Variants in TRIP4 observed in about 807,000 individuals in gnomAD.
TRIP4 encodes the protein activating signal cointegrator 1.
In TRIP4, 54 loss-of-function variants were observed where a neutral mutation model predicts 81.8. The observed-to-expected ratio is 0.66, with a 90% CI of 0.53 to 0.83. The LOEUF is 0.83. Among genes scored for constraint, TRIP4 ranks in the 40% least tolerant of loss-of-function variants. The pLI, the probability that TRIP4 is intolerant of heterozygous loss-of-function variation, is 0.00. For missense variants in TRIP4, 662 were observed against 683.6 expected (o/e 0.97, Z 0.35); for synonymous variants, 270 against 242.8 (o/e 1.11, Z -1.04).
chr15:64,426,172 C>T (rs1892138532), intron 11 of TRIP4, among the ~76,000 whole-genome samples: 1 of 152,048 alleles, frequency 6.6e-6, no homozygotes, highest in South Asian at 2.1e-4. Context: ...TTGAAGAAAC[C>T]CTTGATTATC....
intron 12 of TRIP4, among the ~76,000 whole-genome samples, chr15:64,451,382 GGATTACAGGCATGA>G (rs1034519536): frequency 6.6e-6 from 1 of 151,732 alleles, no homozygotes; most frequent in African/African-American, 2.4e-5. Flanking sequence ...GAAAGTGCTG[GGATTACAGGCATGA>G]GCCACACCTG....
chr15:64,434,556 T>G (rs1892348204), intron 11 of TRIP4, among the ~76,000 whole-genome samples: 1 of 151,324 alleles, frequency 6.6e-6, no homozygotes, highest in Non-Finnish European at 1.5e-5. Flanking sequence ...ATCTGAGGCT[T>G]GCTTGAGGGA....
intron 5 of TRIP4, among the ~76,000 whole-genome samples, chr15:64,403,072 C>A (rs576557760): frequency 1.3e-5 from 2 of 151,626 alleles, no homozygotes; most frequent in Non-Finnish European, 2.9e-5. Context: ...CTGTGTTAGC[C>A]AAGATGGTCT....
Position 64,420,688 on chromosome 15 carries a change from T to C in TRIP4, c.1358+1960T>C, listed in dbSNP as rs149020614. On this transcript the variant is annotated intron_variant, in intron 9 of 12. Transcript: ENST00000261884. ...ACGGGCGCCCGCCACCATGCCCAGC[T>C]AATTTGTGTATGTGTGTGTGTTTTT... Among the ~76,000 whole-genome samples the C allele has an allele frequency of 9.0e-3, 1,362 of 152,102 alleles. 22 individuals carry two copies. The highest frequency in any genetic ancestry group is 0.031 in the African/African-American group (1,307 of 41,532).
At chr15:64,405,569 A>G (rs1891604833) in intron 5 of TRIP4, among the ~76,000 whole-genome samples, 1 of 152,230 alleles carries the variant, frequency 6.6e-6, no homozygotes, top group South Asian at 2.1e-4. Flanking sequence ...TATTGCGAAA[A>G]TTAAATAACA....
intron 8 of TRIP4, among the ~76,000 whole-genome samples, chr15:64,416,556 CA>C (rs1313155575): frequency 6.6e-6 from 1 of 151,844 alleles, no homozygotes; most frequent in African/African-American, 2.4e-5. Flanking sequence ...GACAGTGTCT[CA>C]AAAAAAATTT....
chr15:64,440,787 T>C (rs923726400), intron 11 of TRIP4, among the ~76,000 whole-genome samples: 1 of 152,186 alleles, frequency 6.6e-6, no homozygotes, highest in African/African-American at 2.4e-5. Flanking sequence ...ATTTAACATT[T>C]TCTTACTCTG....
At position 64,397,691 on chromosome 15, in the gene TRIP4, T is replaced by C; in HGVS notation, c.491T>C (p.Leu164Pro). The change falls in exon 4 of 13, where the codon CTG becomes CCG. Residue 164 changes from leucine to proline, a missense_variant. Transcript: ENST00000261884. ...GAGGGACAGGACAGGCTTGCAGTCC[T>C]GCTCCCTGGTCGTCACCCTTGTGAT... ...TREGQDRLAVLLPGRHPCDCL... is the reference protein window; with the variant it reads ...TREGQDRLAVPLPGRHPCDCL... 6.2e-7 allele frequency: 1 copy of C among 1,614,246 alleles called. No homozygotes were observed. The highest frequency in any genetic ancestry group is 8.5e-7 in the Non-Finnish European group (1 of 1,180,026).
At chr15:64,408,713 C>T (rs549076304) in intron 6 of TRIP4, among the ~76,000 whole-genome samples, 34 of 152,170 alleles carry the variant, frequency 2.2e-4, no homozygotes, top group Non-Finnish European at 1.3e-4. Flanking sequence ...AGTAATCACT[C>T]AACTTCTATG....
rs1280213530 is a variant in TRIP4, at chr15:64,397,601, G to A, written c.406-5G>A. The stretch of plus-strand genomic sequence containing the variant: ...TGATGTTATTTTGATGTCTTTGTAC[G>A]ATAGGCACAAGAGAACAGCAACTCC... On this transcript the variant is annotated splice_polypyrimidine_tract_variant and splice_region_variant and intron_variant, in intron 3 of 12. Transcript: ENST00000261884. The A allele has an allele frequency of 1.9e-6, 3 of 1,609,280 alleles. No homozygotes were observed. The highest frequency in any genetic ancestry group is 3.3e-5 in the Admixed American group (2 of 59,844).
intron 5 of TRIP4, among the ~76,000 whole-genome samples, chr15:64,401,510 G>A (rs889703259): frequency 6.6e-6 from 1 of 152,132 alleles, no homozygotes; most frequent in Non-Finnish European, 1.5e-5. Context: ...GACCTCAAGT[G>A]ATCTGCCTGC....
chr15:64,455,245 T>C lies in TRIP4; in HGVS notation c.*181T>C. ...CTTAAGGAGTGGGATTCCTACTTTA[T>C]GTAATGGGGTCGAAATCTTTGAACA... is the stretch of plus-strand genomic sequence containing the variant. On this transcript the variant is annotated 3_prime_UTR_variant, in exon 13 of 13. Transcript: ENST00000261884. The C allele has an allele frequency of 2.1e-6, 1 of 471,758 alleles. No homozygotes were observed. The highest frequency in any genetic ancestry group is 3.8e-6 in the Non-Finnish European group (1 of 263,076). The allele number at this position is 471,758 out of a possible 1,614,324, so 29.2% of individuals were successfully genotyped here.
At chr15:64,434,716 A>G (rs1892351092) in intron 11 of TRIP4, among the ~76,000 whole-genome samples, 2 of 152,188 alleles carry the variant, frequency 1.3e-5, no homozygotes, top group African/African-American at 4.8e-5. Context: ...AGGAACAATG[A>G]TGCAAGGGGC....
rs527870461 is a variant in TRIP4, at chr15:64,432,920, TAAA to T, written c.1575+7292_1575+7294del. Among the ~76,000 whole-genome samples the T allele has an allele frequency of 4.9e-3, 729 of 148,224 alleles. 1 individual carries two copies. Among genetic ancestry groups the T allele is most frequent in the Middle Eastern group, 0.027 (8 of 292 alleles). Reference sequence around the variant, plus strand: ...AGCAAGACTCCATCTCAAAAATAAATAAAAATAAATAAATAAATAAATAAATAA... The same window carrying T: ...AGCAAGACTCCATCTCAAAAATAAATAATAAATAAATAAATAAATAAATAA... On this transcript the variant is annotated intron_variant, in intron 11 of 12. Coordinates refer to ENST00000261884, the MANE Select transcript of TRIP4 (RefSeq NM_016213.5).
At chr15:64,440,148 G>A (rs1892485166) in intron 11 of TRIP4, among the ~76,000 whole-genome samples, 1 of 151,932 alleles carries the variant, frequency 6.6e-6, no homozygotes. Context: ...CTCCTGAGTG[G>A]CTTGAGCCCT....
intron 11 of TRIP4, among the ~76,000 whole-genome samples, chr15:64,431,034 A>G (rs1236781460): frequency 1.3e-5 from 2 of 152,220 alleles, no homozygotes; most frequent in Admixed American, 6.5e-5. Context: ...GAAGATTCCA[A>G]GTATCACTTC....
chr15:64,398,579 GAAGA>G (rs1900363715), intron 4 of TRIP4, among the ~76,000 whole-genome samples: 3 of 152,030 alleles, frequency 2.0e-5, no homozygotes, highest in Non-Finnish European at 2.9e-5. Context: ...CCTTATCTCA[GAAGA>G]AAGAAAGAAC....
chr15:64,424,262 A>T, intron 10 of TRIP4, 107 bp downstream of exon 10: 2 of 1,466,604 alleles, frequency 1.4e-6, no homozygotes, highest in Non-Finnish European at 1.9e-6. Context: ...GTTAAAAGAG[A>T]CTTTTAATCT....
At position 64,397,853 on chromosome 15, in the gene TRIP4, C is replaced by T. The variant is rs748348668; in HGVS notation, c.618+35C>T. The T allele has an allele frequency of 4.4e-6, 7 of 1,605,172 alleles. No individual in the cohort carries two copies. In the Admixed American group the frequency reaches 1.2e-4, roughly 27 times the overall value. ...TTCTTTTCTATTTTATTTTACTGTG[C>T]TTTGTGTTAATACGCAGAGCCAGTC... On this transcript the variant is annotated intron_variant, in intron 4 of 12. Transcript: ENST00000261884.
Sources: allele counts gnomAD v4.1 joint callset (sites outside exome capture counted in the v4.1 genomes callset), GRCh38; gene constraint gnomAD v4.1.1; transcripts MANE v1.5; gene names NCBI Gene and HGNC (gene_info 2026-07-23, HGNC 2026-07-21).